Variants in PDE1C observed in about 807,000 individuals in gnomAD.
PDE1C encodes dual specificity calcium/calmodulin-dependent 3',5'-cyclic nucleotide phosphodiesterase 1C.
PDE1C carries 62 observed loss-of-function variants against 93.1 expected under a neutral mutation model. That is an observed-to-expected ratio of 0.67 (90% CI 0.54 to 0.82). The LOEUF is 0.82. PDE1C is among the 40% of genes least tolerant of loss of function. The probability of loss-of-function intolerance (pLI) is 0.00; values close to 1 mark genes in which losing one functional copy is unlikely to be tolerated. For missense variants in PDE1C, 742 were observed against 884.6 expected (o/e 0.84, Z 2.04); for synonymous variants, 325 against 310.1 (o/e 1.05, Z -0.50).
chr7:32,375,979 A>G (rs1177154326), intron 1 of PDE1C, among the ~76,000 whole-genome samples: 1 of 152,154 alleles, frequency 6.6e-6, no homozygotes, highest in Non-Finnish European at 1.5e-5. Flanking sequence ...CAACAGAGCA[A>G]AATCCCATCT....
chr7:32,341,173 C>CTATTTTTTATTTTTTTTTTTT (rs796122014), intron 1 of PDE1C, among the ~76,000 whole-genome samples: 7 of 84,958 alleles, frequency 8.2e-5, no homozygotes, highest in East Asian at 4.6e-4. Context: ...GAAATAAAGT[C>CTATTTTTTATTTTTTTTTTTT]TTTTTTTTTT....
chr7:31,887,255 C>T (rs1293943134), intron 2 of PDE1C, among the ~76,000 whole-genome samples: 1 of 152,088 alleles, frequency 6.6e-6, no homozygotes, highest in Non-Finnish European at 1.5e-5. Flanking sequence ...TTGGGGCATG[C>T]GGTTTCCTCA....
At position 31,837,198 on chromosome 7, in the gene PDE1C, C is replaced by T; in HGVS notation, c.1185G>A (p.Leu395=). The T allele has an allele frequency of 6.2e-7, 1 of 1,613,632 alleles. No individual in the cohort carries two copies. Among genetic ancestry groups the T allele is most frequent in the Non-Finnish European group, 8.5e-7 (1 of 1,179,728 alleles). The change falls in exon 11 of 18, where the codon CTG becomes CTA. Residue 395 remains leucine, a synonymous_variant. Transcript: ENST00000396191. ...AAGGTACCTGTCTGAAGAACTCCTC[C>T]AGGAGTGACATTGTCCAGCGATGAT... The part of the protein sequence containing the change: ...DLHHRWTMSL[L]EEFFRQGDRE...
At chr7:31,929,117 A>C (rs1281404343) in intron 2 of PDE1C, among the ~76,000 whole-genome samples, 3 of 152,154 alleles carry the variant, frequency 2.0e-5, no homozygotes, top group Non-Finnish European at 2.9e-5. Context: ...AAAGCAAAAA[A>C]AAAAAGCAGG....
At chr7:32,173,581 T>C (rs201890515) in intron 2 of PDE1C, among the ~76,000 whole-genome samples, 1 of 151,556 alleles carries the variant, frequency 6.6e-6, no homozygotes, top group Non-Finnish European at 1.5e-5. Flanking sequence ...GCTGTGTCTA[T>C]GCAAAATACT....
At chr7:31,808,130 C>T in intron 16 of PDE1C, 3 of 434,658 alleles carry the variant, frequency 6.9e-6, no homozygotes, top group Non-Finnish European at 1.3e-5. Context: ...GAATTACGTT[C>T]CAATTTATTC....
At chr7:32,374,175 A>AAAG (rs1398772804) in intron 1 of PDE1C, among the ~76,000 whole-genome samples, 2,417 of 19,318 alleles carry the variant, frequency 0.13, 64 homozygotes, top group Middle Eastern at 0.17. Context: ...AGAAAGAAAG[A>AAAG]AAGAAAGAAA....
chr7:31,820,799 CCTT>C (rs1788863055), intron 14 of PDE1C: 1 of 152,072 alleles, frequency 6.6e-6, no homozygotes, highest in Admixed American at 6.6e-5. Context: ...TTCACCACCA[CCTT>C]AACTTCGTAT....
chr7:31,755,696 T>C (rs925776167), intron 17 of PDE1C, among the ~76,000 whole-genome samples: 3 of 152,182 alleles, frequency 2.0e-5, no homozygotes, highest in South Asian at 4.1e-4. Flanking sequence ...CAAGGCAGTA[T>C]TGCATTTTAA....
chr7:31,977,845 G>A (rs188271603), intron 2 of PDE1C, among the ~76,000 whole-genome samples: 1 of 152,234 alleles, frequency 6.6e-6, no homozygotes, highest in East Asian at 1.9e-4. Context: ...GAATAACAAA[G>A]TTAGAATAGT....
Position 31,752,993 on chromosome 7 carries a change from A to T in PDE1C, c.*391T>A, listed in dbSNP as rs1344383604. ...TTTATCAGTGCATTTCTTAAATATGATGATTATTAAACCAATATTCTTTTG... is the reference window on the plus strand; with the variant it reads ...TTTATCAGTGCATTTCTTAAATATGTTGATTATTAAACCAATATTCTTTTG... On this transcript the variant is annotated 3_prime_UTR_variant, in exon 18 of 18. Coordinates refer to ENST00000396191, the MANE Select transcript of PDE1C (RefSeq NM_001191057.4). The T allele has an allele frequency of 6.5e-6, 1 of 153,798 alleles. No individual in the cohort carries two copies. The highest frequency in any genetic ancestry group is 6.5e-5 in the Admixed American group (1 of 15,316). 9.5% of individuals were successfully genotyped at this position (153,798 alleles called of 1,614,324 possible).
intron 1 of PDE1C, among the ~76,000 whole-genome samples, chr7:32,397,446 T>C (rs1784858831): frequency 6.6e-6 from 1 of 152,106 alleles, no homozygotes; most frequent in Admixed American, 6.5e-5. Flanking sequence ...TGGAGGCAAA[T>C]ACAAGTTCTT....
At position 32,235,484 on chromosome 7, in the gene PDE1C, C is replaced by A. The variant is rs1028345811; in HGVS notation, c.86-25945G>T. On this transcript the variant is annotated intron_variant, in intron 1 of 18. Transcript: ENST00000396193. ...TCAGAGGATCTAAGATTAACACACA[C>A]ACAAAAATAATTTTTCTATATACTA... Among the ~76,000 whole-genome samples, 101 of 151,512 alleles carry A rather than the reference C, an allele frequency of 6.7e-4. 1 individual carries two copies. The highest frequency in any genetic ancestry group is 9.0e-4 in the Non-Finnish European group (61 of 67,820).
At chr7:31,688,479 T>A in the PDE1C span, among the ~76,000 whole-genome samples, 1 of 152,238 alleles carries the variant, frequency 6.6e-6, no homozygotes, top group African/African-American at 2.4e-5. Flanking sequence ...CTGAACCAAC[T>A]AATGTGTTTC....
intron 1 of PDE1C, among the ~76,000 whole-genome samples, chr7:32,419,111 T>C (rs867257787): frequency 4.6e-5 from 7 of 152,314 alleles, no homozygotes; most frequent in Middle Eastern, 3.4e-3. Context: ...AAAATATTTT[T>C]TAAATATCTT....
At chr7:31,638,500 C>T in the PDE1C span, among the ~76,000 whole-genome samples, 3 of 152,288 alleles carry the variant, frequency 2.0e-5, no homozygotes, top group South Asian at 4.1e-4. Context: ...ATAAATCCCA[C>T]ACGACATTGT....
chr7:32,382,916 A>G (rs994065447), intron 1 of PDE1C, among the ~76,000 whole-genome samples: 2 of 152,136 alleles, frequency 1.3e-5, no homozygotes, highest in Non-Finnish European at 2.9e-5. Context: ...CTTCCTCCTC[A>G]TGTATCTGAA....
chr7:31,985,695 G>A (rs1019781355), intron 2 of PDE1C, among the ~76,000 whole-genome samples: 3 of 152,026 alleles, frequency 2.0e-5, no homozygotes, highest in Admixed American at 2.0e-4. Flanking sequence ...CCTTGTGATA[G>A]TTTGCCGAGA....
At chr7:31,827,748 A>T (rs921491824) in intron 12 of PDE1C, among the ~76,000 whole-genome samples, 2 of 152,174 alleles carry the variant, frequency 1.3e-5, no homozygotes, top group African/African-American at 2.4e-5. Context: ...GAAGATTTTT[A>T]AAATGCATAT....
Sources: allele counts gnomAD v4.1 joint callset (sites outside exome capture counted in the v4.1 genomes callset), GRCh38; gene constraint gnomAD v4.1.1; transcripts MANE v1.5; gene names NCBI Gene and HGNC (gene_info 2026-07-23, HGNC 2026-07-21).